NRG4: variants seen among roughly 807,000 people sequenced by gnomAD.
NRG4 encodes the protein neuregulin 4.
A neutral mutation model predicts 15.0 loss-of-function variants in NRG4; 10 were observed. The observed-to-expected ratio is 0.67, with a 90% CI of 0.41 to 1.13. The LOEUF is 1.13. NRG4 is among the 50% of genes most tolerant of loss of function. The pLI is 0.00. For synonymous variants in NRG4, 41 were observed against 50.1 expected (o/e 0.82, Z 0.77); for missense variants, 139 against 140.2 (o/e 0.99, Z 0.04).
chr15:76,057,612 G>C (rs1245928048), intron 1 of NRG4, among the ~76,000 whole-genome samples: 2 of 152,230 alleles, frequency 1.3e-5, no homozygotes, highest in African/African-American at 4.8e-5. Context: ...GTGCTGTGAA[G>C]TAAGACATCA....
At chr15:76,021,529 G>C (rs2467289) in intron 5 of NRG4, among the ~76,000 whole-genome samples, 3,097 of 152,240 alleles carry the variant, frequency 0.02, 99 homozygotes, top group African/African-American at 0.07. Context: ...AGGTGTGCTT[G>C]TACACATACA....
chr15:75,969,738 G>C (rs2033006797), intron 3 of NRG4, among the ~76,000 whole-genome samples: 2 of 152,188 alleles, frequency 1.3e-5, no homozygotes, highest in Non-Finnish European at 2.9e-5. Flanking sequence ...GTGAGGTCAA[G>C]AAAGATGTAT....
chr15:76,041,306 C>T (rs115158438), intron 4 of NRG4, among the ~76,000 whole-genome samples: 93 of 152,018 alleles, frequency 6.1e-4, no homozygotes, highest in African/African-American at 2.1e-3. Context: ...TAAGTCCTTG[C>T]CTATCAATAA....
chr15:75,935,755 G>T (rs1431200097), downstream of NRG4: 3 of 151,958 alleles, frequency 2.0e-5, no homozygotes, highest in Non-Finnish European at 4.4e-5. Flanking sequence ...AACATGCAAA[G>T]AATTACAATA....
At chr15:75,964,064 G>GA (rs1191937909) in intron 3 of NRG4, among the ~76,000 whole-genome samples, 16 of 152,058 alleles carry the variant, frequency 1.1e-4, no homozygotes, top group African/African-American at 3.9e-4. Flanking sequence ...AAGCTGAGGA[G>GA]AAAAAAGATT....
intron 4 of NRG4, among the ~76,000 whole-genome samples, chr15:76,037,684 T>C (rs528200453): frequency 6.6e-6 from 1 of 152,184 alleles, no homozygotes; most frequent in South Asian, 2.1e-4. Context: ...TTACCGGTCA[T>C]GAGACTTACT....
chr15:76,016,996 G>T (rs947221207), upstream of NRG4, among the ~76,000 whole-genome samples: 25 of 151,834 alleles, frequency 1.6e-4, no homozygotes, highest in African/African-American at 5.8e-4. Flanking sequence ...TTGCTTTATG[G>T]ATCTGGGTGC....
intron 2 of NRG4, among the ~76,000 whole-genome samples, chr15:76,056,149 A>T (rs577984610): frequency 7.2e-4 from 109 of 151,904 alleles, no homozygotes; most frequent in African/African-American, 1.9e-3. Flanking sequence ...GGATTTTTTT[A>T]AAAAAAACGA....
At chr15:75,999,125 A>G (rs572815333) in intron 3 of NRG4, among the ~76,000 whole-genome samples, 15 of 152,338 alleles carry the variant, frequency 9.8e-5, no homozygotes, top group Admixed American at 8.5e-4. Flanking sequence ...TGGCATCTCA[A>G]ATCAGCAGGG....
chr15:75,983,797 A>G (rs2033692887), intron 3 of NRG4, among the ~76,000 whole-genome samples: 1 of 152,140 alleles, frequency 6.6e-6, no homozygotes. Flanking sequence ...TGTAAAACCT[A>G]TATGAGGGAA....
At chr15:76,049,986 C>T (rs189818868) in intron 4 of NRG4, among the ~76,000 whole-genome samples, 8 of 151,086 alleles carry the variant, frequency 5.3e-5, no homozygotes, top group South Asian at 2.1e-4. Context: ...GATGGTCACA[C>T]GGCCAAGAAT....
At chr15:75,970,378 A>C (rs1465638037) in intron 3 of NRG4, among the ~76,000 whole-genome samples, 2 of 152,210 alleles carry the variant, frequency 1.3e-5, no homozygotes, top group African/African-American at 4.8e-5. Context: ...TGTACTCCTA[A>C]ACTGCTTCTC....
intron 3 of NRG4, 70 bp downstream of exon 3, chr15:76,009,130 T>C: frequency 3.8e-6 from 3 of 799,904 alleles, no homozygotes. Flanking sequence ...TTACTTTTTA[T>C]CACTTCTCAA....
Position 76,011,358 on chromosome 15 carries a change from T to G in NRG4, c.-56-72A>C, listed in dbSNP as rs988232575. The G allele has an allele frequency of 4.0e-6, 3 of 749,466 alleles. No individual in the cohort carries two copies. The African/African-American group carries it at 5.4e-5, about 14-fold the overall frequency. The allele number at this position is 749,466 out of a possible 1,614,324, so 46.4% of individuals were successfully genotyped here. ...TAAGGGCATTATAAAATGTCAAATA[T>G]TCTAATAGCAATATTCTTAAATGTT... On this transcript the variant is annotated intron_variant, in intron 1 of 5. Coordinates refer to ENST00000394907, the MANE Select transcript of NRG4 (RefSeq NM_138573.4).
chr15:76,005,522 C>T (rs1044646559), intron 3 of NRG4, among the ~76,000 whole-genome samples: 2 of 151,302 alleles, frequency 1.3e-5, no homozygotes, highest in Admixed American at 1.3e-4. Context: ...CCCGCCTGTA[C>T]TAAAAACACA....
At chr15:76,021,914 G>A (rs2035165755) in intron 5 of NRG4, among the ~76,000 whole-genome samples, 1 of 152,296 alleles carries the variant, frequency 6.6e-6, no homozygotes, top group South Asian at 2.1e-4. Flanking sequence ...GACTGGGGTG[G>A]CGGATGGTTT....
chr15:75,968,212 A>G (rs16967747), intron 3 of NRG4, among the ~76,000 whole-genome samples: 9,470 of 152,200 alleles, frequency 0.062, 615 homozygotes, highest in African/African-American at 0.17. Flanking sequence ...CTTTCTCCAT[A>G]TTAACAAAAT....
At chr15:75,967,112 C>CAAAAAAA (rs1300663699) in intron 3 of NRG4, among the ~76,000 whole-genome samples, 1 of 51,158 alleles carries the variant, frequency 2.0e-5, no homozygotes, top group Non-Finnish European at 3.9e-5. Context: ...GACTCCGTCT[C>CAAAAAAA]AAAAAAAAAA....
In NRG4 at chr15:76,048,172, T is replaced by G. The variant is rs1157522484; in HGVS notation, c.-105+3895A>C. Among the ~76,000 whole-genome samples, 41 of 145,068 alleles carry G rather than the reference T, an allele frequency of 2.8e-4. 3 individuals carry two copies. Among genetic ancestry groups the G allele is most frequent in the African/African-American group, 1.0e-3 (40 of 38,280 alleles). On this transcript the variant is annotated intron_variant, in intron 4 of 8. Transcript: ENST00000563910. Reference sequence around the variant, plus strand: ...TGTTTCAAAAAAAAAAAAAAAAAAGTTTCAAAAGCTGGTTGGAGGCTGGGC... The same window carrying G: ...TGTTTCAAAAAAAAAAAAAAAAAAGGTTCAAAAGCTGGTTGGAGGCTGGGC...
Sources: gnomAD v4.1 joint callset for allele counts (sites outside exome capture counted in the v4.1 genomes callset) on GRCh38, gnomAD v4.1.1 for gene constraint, MANE v1.5 for transcripts, NCBI Gene and HGNC (gene_info 2026-07-23, HGNC 2026-07-21) for gene names.